HDAC4: variants seen among roughly 807,000 people sequenced by gnomAD.
HDAC4 encodes the protein histone deacetylase A.
A neutral mutation model predicts 135.1 loss-of-function variants in HDAC4; 16 were observed. That is an observed-to-expected ratio of 0.12 (90% CI 0.08 to 0.18). The LOEUF (loss-of-function observed/expected upper bound fraction) is 0.18, where lower values mean the gene tolerates loss of function less well. Ranked by LOEUF, HDAC4 falls within the 10% of genes least tolerant of loss-of-function variation. The pLI is 1.00. For missense variants in HDAC4, 1,143 were observed against 1,511.8 expected, an observed-to-expected ratio of 0.76 and a Z score of 4.05; for synonymous variants, 685 against 653.4, an observed-to-expected ratio of 1.05 and a Z score of -0.74.
In HDAC4 at chr2:239,192,652, C is replaced by T. The variant is rs79507509; in HGVS notation, c.95-2575G>A. On this transcript the variant is annotated intron_variant, in intron 3 of 26. Coordinates refer to ENST00000543185, the MANE Select transcript of HDAC4 (RefSeq NM_001378414.1). ...AAATGCTTTCCTGAACACACAGTCT[C>T]GTGAATGACTGTCAGGTTGCGGTTC... 8.9e-3 allele frequency among the ~76,000 whole-genome samples: 1,358 copies of T among 152,258 alleles called. 18 individuals carry two copies. The highest frequency in any genetic ancestry group is 0.031 in the African/African-American group (1,269 of 41,550).
intron 12 of HDAC4, among the ~76,000 whole-genome samples, chr2:239,124,572 G>A (rs1447841781): frequency 7.7e-6 from 1 of 130,588 alleles, no homozygotes; most frequent in East Asian, 2.1e-4. Context: ...ACATTCCAGT[G>A]TGCCGGCATG....
intron 1 of HDAC4, among the ~76,000 whole-genome samples, chr2:239,381,740 T>A (rs535811267): frequency 1.3e-5 from 2 of 152,212 alleles, no homozygotes; most frequent in African/African-American, 4.8e-5. Flanking sequence ...TGCTGTAGAA[T>A]GTTCAGTGGC....
At chr2:239,168,843 C>T (rs2043277287) in intron 5 of HDAC4, among the ~76,000 whole-genome samples, 2 of 152,194 alleles carry the variant, frequency 1.3e-5, no homozygotes, top group African/African-American at 4.8e-5. Context: ...CAACTGTACA[C>T]AGTTTATTAT....
At chr2:239,321,244 T>C (rs1255403880) in intron 2 of HDAC4, among the ~76,000 whole-genome samples, 1 of 152,054 alleles carries the variant, frequency 6.6e-6, no homozygotes, top group Non-Finnish European at 1.5e-5. Context: ...GGTGGGCGGA[T>C]CACGAGGTCA....
chr2:239,219,513 A>C (rs2046832846), intron 3 of HDAC4, among the ~76,000 whole-genome samples: 1 of 152,114 alleles, frequency 6.6e-6, no homozygotes, highest in African/African-American at 2.4e-5. Context: ...AGATATACCT[A>C]ATGTAAATGA....
At position 239,139,256 on chromosome 2, in the gene HDAC4, A is replaced by G. The variant is rs2041183613; in HGVS notation, c.978+428T>C. Reference sequence around the variant, plus strand: ...TCTCAATACAAAATAAAAAATGTTAAGTCTCACTTAGCAACTATACCCACG... The same window carrying G: ...TCTCAATACAAAATAAAAAATGTTAGGTCTCACTTAGCAACTATACCCACG... On this transcript the variant is annotated intron_variant, in intron 9 of 26. Transcript: ENST00000543185. This position sits in a 1 kb window ranked among gnomAD's most constrained non-coding sequence, Gnocchi z 5.3. Among the ~76,000 whole-genome samples, 1 of 152,196 alleles carries G rather than the reference A, an allele frequency of 6.6e-6. No individual in the cohort carries two copies. Among genetic ancestry groups the G allele is most frequent in the Non-Finnish European group, 1.5e-5 (1 of 68,040 alleles).
intron 3 of HDAC4, among the ~76,000 whole-genome samples, chr2:239,220,776 G>A (rs2046903976): frequency 6.6e-6 from 1 of 152,020 alleles, no homozygotes; most frequent in African/African-American, 2.4e-5. Flanking sequence ...ATAACAGATG[G>A]GAAACGAGCC....
rs1204068662 is a variant in HDAC4 at position 239,058,850 on chromosome 2, A to G, written c.3004-4017T>C. The stretch of plus-strand genomic sequence containing the variant: ...AGGAAAACCAAAGCGTGAACAATAC[A>G]ATTAGCAAGTTCTGTTTAATGAACA... On this transcript the variant is annotated intron_variant, in intron 24 of 26. Coordinates refer to ENST00000543185, the MANE Select transcript of HDAC4 (RefSeq NM_001378414.1). Among the ~76,000 whole-genome samples, 3 of 152,218 alleles carry G rather than the reference A, an allele frequency of 2.0e-5. No individual in the cohort carries two copies. In the South Asian group the frequency reaches 6.2e-4, roughly 32 times the overall value.
intron 26 of HDAC4, 24 bp from the exon 27 acceptor site, chr2:239,053,160 G>A (rs1168500894): frequency 6.2e-7 from 1 of 1,614,044 alleles, no homozygotes; most frequent in Admixed American, 1.7e-5. Context: ...AAGAGAAGGA[G>A]ATGGGGGCGT....
chr2:239,090,231 T>C (rs2036381396), intron 17 of HDAC4, 115 bp from the exon 18 acceptor site: 1 of 753,022 alleles, frequency 1.3e-6, no homozygotes, highest in Admixed American at 2.0e-5. Context: ...CCCCAGGGCC[T>C]ACCAGAGCCA....
At chr2:239,160,784 G>A (rs1366347424) in intron 6 of HDAC4, among the ~76,000 whole-genome samples, 1 of 152,264 alleles carries the variant, frequency 6.6e-6, no homozygotes, top group Non-Finnish European at 1.5e-5. Flanking sequence ...GTAAGATGAC[G>A]ACTCGTCGTG....
intron 3 of HDAC4, among the ~76,000 whole-genome samples, chr2:239,230,368 CA>C (rs56105562): frequency 0.29 from 22,948 of 79,492 alleles, 1,734 homozygotes; most frequent in Non-Finnish European, 0.34. Context: ...AGCAAGCAAG[CA>C]AAAAAAAAAA....
intron 22 of HDAC4, among the ~76,000 whole-genome samples, chr2:239,072,249 G>A (rs531871303): frequency 6.6e-6 from 1 of 152,154 alleles, no homozygotes; most frequent in Non-Finnish European, 1.5e-5. Context: ...ACGTTAGTGC[G>A]AATTTATTTT....
intron 4 of HDAC4, among the ~76,000 whole-genome samples, chr2:239,178,762 C>T (rs1171398482): frequency 6.6e-6 from 1 of 152,206 alleles, no homozygotes; most frequent in Non-Finnish European, 1.5e-5. Flanking sequence ...GATAAGCAGG[C>T]ATCCTGGCAA....
chr2:239,354,913 G>C (rs899711327), intron 1 of HDAC4, among the ~76,000 whole-genome samples: 1 of 151,890 alleles, frequency 6.6e-6, no homozygotes, highest in South Asian at 2.1e-4. Context: ...ATCTCAGCTG[G>C]GTATAAAAAT....
At chr2:239,064,239 C>T (rs2033179940) in intron 24 of HDAC4, among the ~76,000 whole-genome samples, 1 of 152,252 alleles carries the variant, frequency 6.6e-6, no homozygotes, top group South Asian at 2.1e-4. Context: ...TGAATGAGAC[C>T]TTTCCTGGAA....
rs114860614 is a variant in HDAC4 at position 239,084,181 on chromosome 2, C to A, written c.2506G>T (p.Val836Leu). The A allele has an allele frequency of 6.2e-7, 1 of 1,613,424 alleles. No individual in the cohort carries two copies. Among genetic ancestry groups the A allele is most frequent in the Middle Eastern group, 1.7e-4 (1 of 6,060 alleles). ...CAGTCCACGATGAGGATCTTGCTCACGCTCAACCTCTGCTGCAGAAGCTTG... is the reference window on the plus strand; with the variant it reads ...CAGTCCACGATGAGGATCTTGCTCAAGCTCAACCTCTGCTGCAGAAGCTTG... ...AAKLLQQRLS[V>L]SKILIVDWDV... The change falls in exon 20 of 27, where the codon GTG (valine) becomes TTG (leucine). Residue 836 changes from valine (V) to leucine (L), a missense_variant. By Grantham distance (32) the Val-to-Leu change is conservative (BLOSUM62 1). Transcript: ENST00000543185.
intron 13 of HDAC4, among the ~76,000 whole-genome samples, chr2:239,114,424 C>A (rs1018936727): frequency 6.6e-6 from 1 of 152,228 alleles, no homozygotes; most frequent in East Asian, 1.9e-4. Flanking sequence ...GCTGCAGATA[C>A]GGGGCTCCAG....
At chr2:239,157,585 C>T (rs982051935) in intron 6 of HDAC4, among the ~76,000 whole-genome samples, 13 of 152,164 alleles carry the variant, frequency 8.5e-5, no homozygotes, top group South Asian at 8.3e-4. Context: ...CCTTTTTTGA[C>T]GGCACTGACA....
Sources: allele counts gnomAD v4.1 joint callset (sites outside exome capture counted in the v4.1 genomes callset), GRCh38; gene constraint gnomAD v4.1.1; non-coding constraint Gnocchi (gnomAD v3.1); transcripts MANE v1.5; gene names NCBI Gene and HGNC (gene_info 2026-07-23, HGNC 2026-07-21).